Variants in CNTN4 observed in about 807,000 individuals in gnomAD.
CNTN4 encodes contactin-4.
A neutral mutation model predicts 122.5 loss-of-function variants in CNTN4; 77 were observed. The observed-to-expected ratio is 0.63, with a 90% CI of 0.52 to 0.76. The LOEUF (loss-of-function observed/expected upper bound fraction) is 0.76, where lower values mean the gene tolerates loss of function less well. Among genes scored for constraint, CNTN4 ranks in the 30% least tolerant of loss-of-function variants. The pLI is 0.00. For synonymous variants in CNTN4, 512 were observed against 447.0 expected (o/e 1.15, Z -1.83); for missense variants, 1,256 against 1,259.1 (o/e 1.00, Z 0.04).
chr3:2,869,055 T>C (rs2093756117), intron 8 of CNTN4, among the ~76,000 whole-genome samples: 1 of 151,998 alleles, frequency 6.6e-6, no homozygotes, highest in Admixed American at 6.6e-5. Context: ...CAGTTGAGCG[T>C]GGTTGAAGCA....
At chr3:2,666,579 A>G (rs1220940282) in intron 4 of CNTN4, among the ~76,000 whole-genome samples, 1 of 133,762 alleles carries the variant, frequency 7.5e-6, no homozygotes, top group African/African-American at 2.8e-5. Flanking sequence ...ATAAGGAATA[A>G]AATGTTCTTT....
intron 4 of CNTN4, among the ~76,000 whole-genome samples, chr3:2,734,081 A>G (rs1453088480): frequency 6.6e-6 from 1 of 151,774 alleles, no homozygotes; most frequent in Non-Finnish European, 1.5e-5. Flanking sequence ...TTGTTTTGAG[A>G]TAGCGTCTTG....
intron 6 of CNTN4, among the ~76,000 whole-genome samples, chr3:2,768,167 T>TGG (rs1399784340): frequency 6.6e-6 from 1 of 152,320 alleles, no homozygotes; most frequent in East Asian, 1.9e-4. Context: ...AAATGTATCC[T>TGG]TCATTTGACC....
chr3:2,330,217 G>A (rs2043661135), intron 2 of CNTN4, among the ~76,000 whole-genome samples: 1 of 152,204 alleles, frequency 6.6e-6, no homozygotes, highest in South Asian at 2.1e-4. Context: ...CAGATGAACA[G>A]CCAGATGGAA....
At chr3:2,893,931 A>T (rs1559629980) in intron 10 of CNTN4, among the ~76,000 whole-genome samples, 1 of 152,212 alleles carries the variant, frequency 6.6e-6, no homozygotes, top group Non-Finnish European at 1.5e-5. Flanking sequence ...GCCTTTGTTT[A>T]TGTGAGTTAT....
At chr3:2,416,224 G>T (rs2047406595) in intron 3 of CNTN4, among the ~76,000 whole-genome samples, 1 of 152,022 alleles carries the variant, frequency 6.6e-6, no homozygotes, top group Non-Finnish European at 1.5e-5. Flanking sequence ...CAGGCCACCT[G>T]CATCCTCCAT....
intron 16 of CNTN4, among the ~76,000 whole-genome samples, chr3:3,033,870 T>G (rs950400033): frequency 6.6e-6 from 1 of 152,208 alleles, no homozygotes; most frequent in African/African-American, 2.4e-5. Flanking sequence ...TTTCCATGGT[T>G]TAAGTACATG....
intron 2 of CNTN4, among the ~76,000 whole-genome samples, chr3:2,229,038 C>T (rs904144919): frequency 2.6e-5 from 4 of 152,044 alleles, no homozygotes; most frequent in African/African-American, 4.8e-5. Context: ...ATTTTGAGGA[C>T]GCTAATGCAT....
chr3:2,184,724 A>G (rs2037168997), intron 2 of CNTN4, among the ~76,000 whole-genome samples: 1 of 152,128 alleles, frequency 6.6e-6, no homozygotes, highest in African/African-American at 2.4e-5. Context: ...CCTCTGGAGG[A>G]TGCAGCAACA....
intron 10 of CNTN4, among the ~76,000 whole-genome samples, chr3:2,896,931 G>GTTTTT (rs58232281): frequency 1.9e-4 from 22 of 118,096 alleles, no homozygotes; most frequent in Middle Eastern, 4.5e-3. Flanking sequence ...AATTTAGAGG[G>GTTTTT]TTTTTTTTTT....
intron 2 of CNTN4, among the ~76,000 whole-genome samples, chr3:2,223,390 C>G (rs1285017379): frequency 6.6e-6 from 1 of 152,174 alleles, no homozygotes; most frequent in East Asian, 1.9e-4. Context: ...CCTTCTAAAA[C>G]TAAACTTCTT....
At chr3:2,895,891 A>G (rs371816797) in intron 10 of CNTN4, among the ~76,000 whole-genome samples, 51 of 151,862 alleles carry the variant, frequency 3.4e-4, no homozygotes, top group Middle Eastern at 6.8e-3. Flanking sequence ...AAATTAGCCG[A>G]GCGTGGTGGC....
intron 2 of CNTN4, among the ~76,000 whole-genome samples, chr3:2,186,841 A>G (rs2037293579): frequency 6.6e-6 from 1 of 152,082 alleles, no homozygotes; most frequent in African/African-American, 2.4e-5. Flanking sequence ...TTGTCAGATG[A>G]GTAGATTGCA....
chr3:2,137,387 G>T (rs953324437), intron 2 of CNTN4, among the ~76,000 whole-genome samples: 2 of 152,156 alleles, frequency 1.3e-5, no homozygotes, highest in Admixed American at 1.3e-4. Flanking sequence ...GGGAATGTGT[G>T]AAGGGAAGAC....
intron 22 of CNTN4, among the ~76,000 whole-genome samples, 198 bp from the exon 23 acceptor site, chr3:3,043,394 T>C (rs1700339346): frequency 6.6e-6 from 1 of 152,218 alleles, no homozygotes; most frequent in East Asian, 1.9e-4. Flanking sequence ...TTCTTTTAGC[T>C]ATAAATGTTA....
intron 4 of CNTN4, among the ~76,000 whole-genome samples, chr3:2,669,860 C>A (rs2084398787): frequency 6.6e-6 from 1 of 152,144 alleles, no homozygotes. Context: ...ACCCAGTAGT[C>A]ATTCAGGAGC....
Position 2,701,667 on chromosome 3 carries a change from T to C in CNTN4, c.56-34548T>C, listed in dbSNP as rs562219413. ...TGGTAACATCCTTAGCCCCACCCCA[T>C]GTTTTACAGATGAGATAACTGGGGC... On this transcript the variant is annotated intron_variant, in intron 4 of 24. Coordinates refer to ENST00000418658, the MANE Select transcript of CNTN4 (RefSeq NM_175607.3). 6.9e-4 allele frequency among the ~76,000 whole-genome samples: 105 copies of C among 152,230 alleles called. 1 individual carries two copies. In the South Asian group the frequency reaches 0.02, roughly 30 times the overall value.
intron 2 of CNTN4, among the ~76,000 whole-genome samples, chr3:2,269,361 A>C (rs2041176305): frequency 6.6e-6 from 1 of 152,132 alleles, no homozygotes; most frequent in African/African-American, 2.4e-5. Context: ...GAATTTCCAC[A>C]GTTTGGTAAT....
chr3:2,641,158 G>A (rs548680773), intron 4 of CNTN4, among the ~76,000 whole-genome samples: 11 of 151,820 alleles, frequency 7.2e-5, no homozygotes, highest in African/African-American at 1.9e-4. Context: ...TGCACCAAAC[G>A]CATTACATTT....
Sources: allele counts gnomAD v4.1 joint callset (sites outside exome capture counted in the v4.1 genomes callset), GRCh38; gene constraint gnomAD v4.1.1; transcripts MANE v1.5; gene names NCBI Gene and HGNC (gene_info 2026-07-23, HGNC 2026-07-21).